Variants in PLXNA4 observed in about 807,000 individuals in gnomAD.
PLXNA4 encodes plexin-A4.
Under a neutral mutation model 191.8 loss-of-function variants are expected in PLXNA4, and 44 were observed. The ratio of observed to expected loss-of-function variants is 0.23; its 90% CI spans 0.18 to 0.29. PLXNA4 has a LOEUF of 0.29. PLXNA4 is among the 10% of genes least tolerant of loss of function. The pLI is 1.00. For synonymous variants in PLXNA4, 1,082 were observed against 1,009.5 expected (o/e 1.07, Z -1.36); for missense variants, 1,800 against 2,488.8 (o/e 0.72, Z 5.89).
chr7:132,273,544 A>T (rs898852173), intron 4 of PLXNA4, among the ~76,000 whole-genome samples: 1 of 152,214 alleles, frequency 6.6e-6, no homozygotes, highest in Admixed American at 6.5e-5. Context: ...TCACTTAGTT[A>T]TCTGCTGGGG....
intron 3 of PLXNA4, among the ~76,000 whole-genome samples, chr7:132,440,109 C>T (rs1298392125): frequency 6.6e-6 from 1 of 152,152 alleles, no homozygotes; most frequent in Non-Finnish European, 1.5e-5. Flanking sequence ...GATTTCCCCA[C>T]AAGTGAGGCA....
At chr7:132,627,142 TA>T (rs1431260080) in intron 2 of PLXNA4, among the ~76,000 whole-genome samples, 3 of 152,228 alleles carry the variant, frequency 2.0e-5, no homozygotes, top group Admixed American at 1.3e-4. Flanking sequence ...AAACCATATA[TA>T]ACTCATGGCT....
intron 3 of PLXNA4, among the ~76,000 whole-genome samples, chr7:132,378,566 C>A (rs1442892451): frequency 1.3e-5 from 2 of 152,172 alleles, no homozygotes; most frequent in Non-Finnish European, 2.9e-5. Context: ...TCCCTAAAAA[C>A]TACCAGACAT....
At chr7:132,137,788 C>T (rs953492256) in intron 30 of PLXNA4, among the ~76,000 whole-genome samples, 1 of 149,060 alleles carries the variant, frequency 6.7e-6, no homozygotes, top group African/African-American at 2.5e-5. Flanking sequence ...GATGGCAGGA[C>T]AGGAGTGAGG....
intron 7 of PLXNA4, 52 bp from the exon 8 acceptor site, chr7:132,226,312 G>T (rs1312112988): frequency 6.7e-7 from 1 of 1,496,382 alleles, no homozygotes; most frequent in African/African-American, 1.4e-5. Flanking sequence ...CCCAAGCCAG[G>T]GATTCCCTGA....
At chr7:132,580,268 TACA>T (rs1802378102), upstream of PLXNA4, among the ~76,000 whole-genome samples, 1 of 152,068 alleles carries the variant, frequency 6.6e-6, no homozygotes, top group Non-Finnish European at 1.5e-5. Flanking sequence ...CAAGAATAAA[TACA>T]CAGGCAAAAG....
At chr7:132,408,770 A>C (rs1794331679) in intron 3 of PLXNA4, among the ~76,000 whole-genome samples, 1 of 151,940 alleles carries the variant, frequency 6.6e-6, no homozygotes, top group African/African-American at 2.4e-5. Context: ...CTGGCTAAAA[A>C]CACATTATTT....
In PLXNA4 at chr7:132,311,193, T is replaced by TGTGTGTGTGTGC. The variant is rs71178034; in HGVS notation, c.1372-12972_1372-12971insGCACACACACAC. On this transcript the variant is annotated intron_variant, in intron 3 of 31. Coordinates refer to ENST00000321063, the MANE Select transcript of PLXNA4 (RefSeq NM_020911.2). The stretch of plus-strand genomic sequence containing the variant: ...GTGTGTGTGTGTGTGTGTGTGTGTG[T>TGTGTGTGTGTGC]GCGCGTGTGGCCTAAAGGAGGGTCA... 1.1e-3 allele frequency among the ~76,000 whole-genome samples: 98 copies of TGTGTGTGTGTGC among 89,902 alleles called. 1 individual carries two copies. The highest frequency in any genetic ancestry group is 3.5e-3 in the African/African-American group (92 of 25,976). 59.0% of individuals were successfully genotyped at this position (89,902 alleles called of 152,430 possible). A position where few individuals can be genotyped will look rare whatever the true frequency, so the allele number is the denominator to read the frequency against.
chr7:132,400,619 T>C (rs1431215829), intron 3 of PLXNA4, among the ~76,000 whole-genome samples: 1 of 152,174 alleles, frequency 6.6e-6, no homozygotes, highest in Non-Finnish European at 1.5e-5. Flanking sequence ...GCAAAACACA[T>C]GAGAACACTC....
At chr7:132,560,897 C>A (rs1225834826) in intron 1 of PLXNA4, among the ~76,000 whole-genome samples, 1 of 152,162 alleles carries the variant, frequency 6.6e-6, no homozygotes, top group Non-Finnish European at 1.5e-5. Context: ...TCCTTTGCCA[C>A]CCCCTTTGAT....
rs75341283 is a variant in PLXNA4, at chr7:132,291,077, C to T, written c.1503+7014G>A. 2.5e-3 allele frequency among the ~76,000 whole-genome samples: 378 copies of T among 152,264 alleles called. 5 individuals carry two copies. The East Asian group carries it at 0.051, about 21-fold the overall frequency. On this transcript the variant is annotated intron_variant, in intron 4 of 31. Coordinates refer to ENST00000321063, the MANE Select transcript of PLXNA4 (RefSeq NM_020911.2). ...GGAGGCTGGGGTGATCTGAGCTGGC[C>T]TCTGTCTTCAGCTGTCTCACTCACC...
intron 3 of PLXNA4, among the ~76,000 whole-genome samples, chr7:132,337,354 A>G (rs1196194351): frequency 6.6e-6 from 1 of 152,266 alleles, no homozygotes; most frequent in East Asian, 1.9e-4. Context: ...TGGCTGTGGA[A>G]GCACATCAAA....
intron 3 of PLXNA4, among the ~76,000 whole-genome samples, chr7:132,387,774 G>A (rs1012751193): frequency 1.3e-5 from 2 of 152,134 alleles, no homozygotes; most frequent in African/African-American, 4.8e-5. Context: ...AGAGACAGCA[G>A]GATGTTTATT....
chr7:132,563,865 CTCCTCTT>C (rs1801540474), intron 1 of PLXNA4, among the ~76,000 whole-genome samples: 1 of 110,388 alleles, frequency 9.1e-6, no homozygotes, highest in Non-Finnish European at 1.9e-5. Flanking sequence ...TCCTCCTCCT[CTCCTCTT>C]CCTCCTCCTC....
chr7:132,133,765 T>C (rs1795035904), intron 30 of PLXNA4, among the ~76,000 whole-genome samples: 1 of 152,182 alleles, frequency 6.6e-6, no homozygotes, highest in Non-Finnish European at 1.5e-5. Flanking sequence ...TTTACATTTT[T>C]AATTTCTGCA....
intron 12 of PLXNA4, among the ~76,000 whole-genome samples, chr7:132,198,864 C>T (rs1797339583): frequency 6.6e-6 from 1 of 152,196 alleles, no homozygotes; most frequent in Non-Finnish European, 1.5e-5. Context: ...GCCCATGGTA[C>T]ATCTTTCCAT....
At position 132,455,556 on chromosome 7, in the gene PLXNA4, GCA is replaced by G. The variant is rs1218401442; in HGVS notation, c.1371+33734_1371+33735del. 2.6e-5 allele frequency among the ~76,000 whole-genome samples: 4 copies of G among 152,288 alleles called. No individual in the cohort carries two copies. The East Asian group carries it at 7.7e-4, about 29-fold the overall frequency. On this transcript the variant is annotated intron_variant, in intron 3 of 31. Transcript: ENST00000321063. ...TGCAGACCCTGGGTGACACACACAAGCACAGTCTTCCTGTCTGTTGGGAGCCC... is the reference window on the plus strand; with the variant it reads ...TGCAGACCCTGGGTGACACACACAAGCAGTCTTCCTGTCTGTTGGGAGCCC...
At chr7:132,158,743 A>G (rs867803193) in intron 25 of PLXNA4, among the ~76,000 whole-genome samples, 8 of 152,270 alleles carry the variant, frequency 5.3e-5, no homozygotes, top group Non-Finnish European at 8.8e-5. Flanking sequence ...CTGGCCCTCA[A>G]GGCTGGAACC....
intron 1 of PLXNA4, among the ~76,000 whole-genome samples, chr7:132,646,214 G>GT (rs1012359062): frequency 2.0e-5 from 3 of 152,038 alleles, no homozygotes; most frequent in Non-Finnish European, 4.4e-5. Context: ...GTCCCTTGGT[G>GT]TTTTTTTCCC....
Sources: gnomAD v4.1 joint callset for allele counts (sites outside exome capture counted in the v4.1 genomes callset) on GRCh38, gnomAD v4.1.1 for gene constraint, MANE v1.5 for transcripts, NCBI Gene and HGNC (gene_info 2026-07-23, HGNC 2026-07-21) for gene names.